Variants in PPEF1 observed in about 807,000 individuals in gnomAD.
The protein encoded by PPEF1 is serine/threonine-protein phosphatase with EF-hands 1.
In PPEF1, 12 loss-of-function variants were observed where a neutral mutation model predicts 53.3. That is an observed-to-expected ratio of 0.23 (90% confidence interval 0.14 to 0.36). PPEF1 has a LOEUF of 0.36. Among genes scored for constraint, PPEF1 ranks in the 10% least tolerant of loss-of-function variants. PPEF1 has a pLI of 1.00. For missense variants in PPEF1, 334 were observed against 490.4 expected (o/e 0.68, Z 3.01); for synonymous variants, 165 against 176.7 (o/e 0.93, Z 0.52).
chrX:18,757,579 C>T (rs1308037713), intron 4 of PPEF1, 48 bp from the exon 5 acceptor site: 1 of 990,444 alleles, frequency 1.0e-6, no homozygotes, highest in African/African-American at 1.9e-5. Flanking sequence ...ACAGTCATGT[C>T]TTTCTTCCTT....
At chrX:18,703,921 CTT>C (rs144154361), upstream of PPEF1, among the ~76,000 whole-genome samples, 33,905 of 88,040 alleles carry the variant, frequency 0.39, 6,916 homozygotes, top group Non-Finnish European at 0.52. Context: ...AAAAACATAC[CTT>C]TTTTTTTTTT....
At chrX:18,732,430 A>C (rs900920238) in intron 2 of PPEF1, among the ~76,000 whole-genome samples, 1 of 112,217 alleles carries the variant, frequency 8.9e-6, no homozygotes, top group Non-Finnish European at 1.9e-5. Flanking sequence ...GGAGCTGCTA[A>C]ACTGTGTTCC....
chrX:18,721,091 C>T (rs183350943), intron 1 of PPEF1, among the ~76,000 whole-genome samples: 436 of 111,739 alleles, frequency 3.9e-3, no homozygotes, highest in African/African-American at 0.013. Context: ...GGATATACTG[C>T]GTGGTGGTGA....
intron 10 of PPEF1, among the ~76,000 whole-genome samples, chrX:18,803,631 A>T (rs1356735238): frequency 9.0e-6 from 1 of 110,881 alleles, no homozygotes; most frequent in African/African-American, 3.3e-5. Flanking sequence ...TAATTTTTGT[A>T]TTTTTTGCAG....
In PPEF1 at chrX:18,773,038, CT is replaced by C. The variant is rs772797019; in HGVS notation, c.559-5964del. ...CCAAAGTTGTACATCATCACTTTTG[CT>C]TTTTTTTCTCTTCATGAGAAGCAAG... On this transcript the variant is annotated intron_variant, in intron 6 of 15. Coordinates refer to ENST00000470157, the MANE Select transcript of PPEF1 (RefSeq NM_001377996.1). 1.2e-4 allele frequency among the ~76,000 whole-genome samples: 14 copies of C among 112,076 alleles called. No individual in the cohort carries two copies. The East Asian group carries it at 3.6e-3, about 29-fold the overall frequency.
chrX:18,689,916 T>C (rs905185938), intron 3 of PPEF1, among the ~76,000 whole-genome samples: 4 of 110,970 alleles, frequency 3.6e-5, no homozygotes, highest in African/African-American at 1.3e-4. Context: ...TATGCTTGAC[T>C]CCATCCCCCA....
intron 1 of PPEF1, among the ~76,000 whole-genome samples, chrX:18,683,110 G>A (rs1000997596): frequency 1.8e-5 from 2 of 111,664 alleles, no homozygotes; most frequent in South Asian, 3.8e-4. Flanking sequence ...CCCATGATTC[G>A]ATTGCCTCCC....
upstream of PPEF1, among the ~76,000 whole-genome samples, chrX:18,707,086 C>G (rs190274194): frequency 2.1e-3 from 234 of 110,441 alleles, no homozygotes; most frequent in African/African-American, 7.5e-3. Context: ...CTCGGCCTCC[C>G]AAAGTGCTGG....
chrX:18,734,157 T>A (rs777931113), intron 3 of PPEF1, among the ~76,000 whole-genome samples: 21 of 109,909 alleles, frequency 1.9e-4, no homozygotes, highest in Middle Eastern at 4.8e-3. Context: ...TACTTTAAGT[T>A]CTAGGGTACA....
intron 1 of PPEF1, among the ~76,000 whole-genome samples, chrX:18,728,691 A>G (rs1262724163): frequency 9.0e-6 from 1 of 111,398 alleles, no homozygotes; most frequent in African/African-American, 3.3e-5. Flanking sequence ...AACCTGAATA[A>G]TGGAAAGAGT....
At chrX:18,807,805 A>G (rs927989963) in intron 12 of PPEF1, among the ~76,000 whole-genome samples, 1 of 107,198 alleles carries the variant, frequency 9.3e-6, no homozygotes, top group Admixed American at 1.0e-4. Context: ...GACTACGGGC[A>G]TGCCCCACCA....
intron 5 of PPEF1, among the ~76,000 whole-genome samples, chrX:18,761,200 A>G (rs1185340423): frequency 8.9e-6 from 1 of 111,922 alleles, no homozygotes; most frequent in African/African-American, 3.3e-5. Flanking sequence ...GATGAGAATG[A>G]TGAAGATAAA....
At position 18,824,066 on chromosome X, in the gene PPEF1, A is replaced by G. The variant is rs376741475; in HGVS notation, c.1645A>G (p.Ile549Val). The G allele has an allele frequency of 1.3e-5, 16 of 1,201,583 alleles. No homozygotes were observed. The highest frequency in any genetic ancestry group is 1.8e-5 in the Non-Finnish European group (16 of 888,283). ...EYMSSFQNIR[I>V]EKPVQEAHST... ...CATGTCCAGCTTCCAGAATATCCGC[A>G]TTGAAAAACCTGTACAAGAGGCAAG... Residue 549 changes from isoleucine to valine, a missense_variant, in exon 14 of 16, where the codon ATT becomes GTT. Physicochemically the swap from Ile to Val is conservative, Grantham distance 29 (BLOSUM62 3). Transcript: ENST00000470157.
At chrX:18,737,935 A>G (rs1421870287) in intron 3 of PPEF1, among the ~76,000 whole-genome samples, 1 of 111,094 alleles carries the variant, frequency 9.0e-6, no homozygotes, top group Non-Finnish European at 1.9e-5. Flanking sequence ...ATCAGAGACT[A>G]GGATTGCAAC....
intron 1 of PPEF1, among the ~76,000 whole-genome samples, chrX:18,722,922 G>A (rs2044619488): frequency 1.8e-5 from 2 of 111,604 alleles, no homozygotes; most frequent in Admixed American, 1.9e-4. Flanking sequence ...TCAGTTGGCC[G>A]GGCTCTTCTT....
upstream of PPEF1, among the ~76,000 whole-genome samples, chrX:18,681,667 A>T (rs142653996): frequency 4.9e-3 from 548 of 112,033 alleles, 3 homozygotes; most frequent in African/African-American, 0.017. Context: ...TGTTCAAAAT[A>T]TTCACTTTTC....
At chrX:18,676,722 C>T (rs925585802) in intron 1 of PPEF1, among the ~76,000 whole-genome samples, 5 of 112,176 alleles carry the variant, frequency 4.5e-5, no homozygotes, top group Non-Finnish European at 9.4e-5. Context: ...TAAAGTTACA[C>T]CCACTGGTTG....
chrX:18,696,807 TC>T (rs1357878357), intron 4 of PPEF1, among the ~76,000 whole-genome samples: 2 of 110,357 alleles, frequency 1.8e-5, no homozygotes, highest in African/African-American at 3.3e-5. Flanking sequence ...TGTCTGAGCT[TC>T]CCCCCTTTGG....
At chrX:18,768,089 A>G (rs12850735) in intron 6 of PPEF1, among the ~76,000 whole-genome samples, 43,424 of 111,077 alleles carry the variant, frequency 0.39, 7,234 homozygotes, top group Non-Finnish European at 0.54. Flanking sequence ...ACATCAGTGT[A>G]ACCACAGGCT....
Sources: gnomAD v4.1 joint callset for allele counts (sites outside exome capture counted in the v4.1 genomes callset) on GRCh38, gnomAD v4.1.1 for gene constraint, MANE v1.5 for transcripts, NCBI Gene and HGNC (gene_info 2026-07-23, HGNC 2026-07-21) for gene names.